The following B3GALT1 variants were observed in gnomAD, a reference collection of about 807,000 sequenced individuals.
B3GALT1 encodes the protein beta-1,3-galactosyltransferase 1.
B3GALT1 carries 10 observed loss-of-function variants against 23.2 expected under a neutral mutation model. The ratio of observed to expected loss-of-function variants is 0.43; its 90% CI spans 0.27 to 0.73. B3GALT1 has a LOEUF of 0.73. Ranked by LOEUF, B3GALT1 falls within the 30% of genes least tolerant of loss-of-function variation. The pLI is 0.21. For synonymous variants in B3GALT1, 156 were observed against 141.5 expected, an observed-to-expected ratio of 1.10 and a Z score of -0.73; for missense variants, 299 against 405.4, an observed-to-expected ratio of 0.74 and a Z score of 2.25.
chr2:167,438,644 G>C (rs1251163498), intron 1 of B3GALT1, among the ~76,000 whole-genome samples: 1 of 152,202 alleles, frequency 6.6e-6, no homozygotes, highest in Non-Finnish European at 1.5e-5. Context: ...AAATGCATCA[G>C]AGAATTTCAG....
chr2:167,612,367 T>TTTATTATTA (rs3062675), intron 2 of B3GALT1, among the ~76,000 whole-genome samples: 9,249 of 145,032 alleles, frequency 0.064, 760 homozygotes, highest in African/African-American at 0.19. Flanking sequence ...TTATTAGGCC[T>TTTATTATTA]TTATTATTAT....
At chr2:167,610,694 C>G (rs974498009) in intron 2 of B3GALT1, among the ~76,000 whole-genome samples, 4 of 151,782 alleles carry the variant, frequency 2.6e-5, no homozygotes, top group South Asian at 4.2e-4. Context: ...CTGGACCAAC[C>G]CAGATCTGAA....
intron 3 of B3GALT1, among the ~76,000 whole-genome samples, chr2:167,747,342 C>T (rs1206003236): frequency 1.3e-5 from 2 of 152,188 alleles, no homozygotes; most frequent in African/African-American, 4.8e-5. Flanking sequence ...GCAAATCCCT[C>T]AGGGCCAGAA....
At chr2:167,737,988 A>G (rs936234976) in intron 3 of B3GALT1, among the ~76,000 whole-genome samples, 5 of 152,204 alleles carry the variant, frequency 3.3e-5, no homozygotes, top group Non-Finnish European at 7.3e-5. Context: ...TAAATGCTCC[A>G]TGATGACAAA....
At chr2:167,659,970 T>C (rs193215517) in intron 3 of B3GALT1, among the ~76,000 whole-genome samples, 1 of 152,030 alleles carries the variant, frequency 6.6e-6, no homozygotes, top group African/African-American at 2.4e-5. Context: ...CAGTTTCAGG[T>C]CTGTTTGTCG....
At chr2:167,459,846 GAC>G (rs1299080173) in intron 1 of B3GALT1, among the ~76,000 whole-genome samples, 1 of 152,106 alleles carries the variant, frequency 6.6e-6, no homozygotes, top group Admixed American at 6.5e-5. Context: ...AATTTTGAAA[GAC>G]AGTTTTGCTG....
chr2:167,310,286 T>C (rs1376490004), intron 1 of B3GALT1, among the ~76,000 whole-genome samples: 1 of 152,074 alleles, frequency 6.6e-6, no homozygotes, highest in Non-Finnish European at 1.5e-5. Flanking sequence ...CCCTTGACAG[T>C]GTTTGTTTAT....
At chr2:167,816,547 T>C (rs1392042885) in intron 3 of B3GALT1, among the ~76,000 whole-genome samples, 6 of 152,168 alleles carry the variant, frequency 3.9e-5, no homozygotes, top group African/African-American at 1.4e-4. Flanking sequence ...ATTCAGTAAC[T>C]TCTCATTTCT....
chr2:167,784,155 CA>C (rs1688297824), intron 3 of B3GALT1, among the ~76,000 whole-genome samples: 1 of 152,156 alleles, frequency 6.6e-6, no homozygotes, highest in Non-Finnish European at 1.5e-5. Flanking sequence ...TGATTTCTAG[CA>C]GGTCAGCTAA....
intron 3 of B3GALT1, among the ~76,000 whole-genome samples, chr2:167,784,128 C>T (rs1292467046): frequency 6.6e-6 from 1 of 152,162 alleles, no homozygotes; most frequent in Non-Finnish European, 1.5e-5. Context: ...CCCTGCCCTT[C>T]GCTGTCCCCA....
At chr2:167,565,436 C>T (rs1052842377) in intron 2 of B3GALT1, among the ~76,000 whole-genome samples, 3 of 152,204 alleles carry the variant, frequency 2.0e-5, no homozygotes, top group African/African-American at 7.2e-5. Flanking sequence ...GCATTCAGGA[C>T]ATAGGCAAGG....
intron 1 of B3GALT1, among the ~76,000 whole-genome samples, chr2:167,358,878 C>T (rs1195314889): frequency 3.3e-5 from 5 of 152,192 alleles, no homozygotes; most frequent in Non-Finnish European, 4.4e-5. Flanking sequence ...TCTTGGCTCA[C>T]TGCAACCTCT....
intron 4 of B3GALT1, among the ~76,000 whole-genome samples, chr2:167,859,734 C>T (rs1690063891): frequency 6.6e-6 from 1 of 152,062 alleles, no homozygotes. Context: ...TGGGTAAGTT[C>T]AATTATGGGG....
intron 1 of B3GALT1, among the ~76,000 whole-genome samples, chr2:167,324,237 A>G (rs1289880961): frequency 6.6e-6 from 1 of 152,126 alleles, no homozygotes; most frequent in Non-Finnish European, 1.5e-5. Context: ...ATTACCATAC[A>G]TACAGTTCTT....
Position 167,579,331 on chromosome 2 carries a change from A to G in B3GALT1, c.-409-67578A>G, listed in dbSNP as rs534042551. 5.9e-5 allele frequency among the ~76,000 whole-genome samples: 9 copies of G among 151,978 alleles called. No individual in the cohort carries two copies. In the South Asian group the frequency reaches 1.0e-3, roughly 18 times the overall value. On this transcript the variant is annotated intron_variant, in intron 2 of 4. Coordinates refer to ENST00000392690, the MANE Select transcript of B3GALT1 (RefSeq NM_020981.4). ...TTACTATTTTCTATTTAAAATTTTT[A>G]TAATAACCAGAAATACCTGGAGAAG...
At chr2:167,817,719 TTTCAGTCACTCAGCATTACCCAGAAC>T (rs1176647732) in intron 3 of B3GALT1, among the ~76,000 whole-genome samples, 1 of 152,230 alleles carries the variant, frequency 6.6e-6, no homozygotes, top group Non-Finnish European at 1.5e-5. Context: ...ACCCATCACA[TTTCAGTCACTCAGCATTACCCAGAAC>T]TTACTCTATG....
At chr2:167,433,652 T>A (rs895380399) in intron 1 of B3GALT1, among the ~76,000 whole-genome samples, 3 of 151,962 alleles carry the variant, frequency 2.0e-5, no homozygotes, top group Admixed American at 1.3e-4. Context: ...AATTAAAGAG[T>A]GTATTGATTT....
chr2:167,615,210 A>G (rs1685139644), intron 2 of B3GALT1, among the ~76,000 whole-genome samples: 1 of 152,108 alleles, frequency 6.6e-6, no homozygotes, highest in African/African-American at 2.4e-5. Flanking sequence ...TTAAAAAGAA[A>G]GGAAATCTTG....
At chr2:167,428,518 T>A (rs1322815979) in intron 1 of B3GALT1, among the ~76,000 whole-genome samples, 3 of 151,844 alleles carry the variant, frequency 2.0e-5, no homozygotes, top group Non-Finnish European at 4.4e-5. Context: ...CTACTAAAAA[T>A]ACAAAAAAAA....
Sources: gnomAD v4.1 joint callset for allele counts (sites outside exome capture counted in the v4.1 genomes callset) on GRCh38, gnomAD v4.1.1 for gene constraint, MANE v1.5 for transcripts, NCBI Gene and HGNC (gene_info 2026-07-23, HGNC 2026-07-21) for gene names.